ASTN2: variants seen among roughly 807,000 people sequenced by gnomAD.
The protein encoded by ASTN2 is astrotactin 2.
ASTN2 carries 54 observed loss-of-function variants against 139.8 expected under a neutral mutation model. The ratio of observed to expected loss-of-function variants is 0.39; its 90% CI spans 0.31 to 0.48. The LOEUF (loss-of-function observed/expected upper bound fraction) is 0.48. Ranked by LOEUF, ASTN2 falls within the 20% of genes least tolerant of loss-of-function variation. ASTN2 has a pLI of 0.95. For synonymous variants in ASTN2, 756 were observed against 719.5 expected (o/e 1.05, Z -0.81); for missense variants, 1,565 against 1,725.1 (o/e 0.91, Z 1.64).
intron 22 of ASTN2, among the ~76,000 whole-genome samples, chr9:116,426,797 T>A (rs1224758599): frequency 6.6e-6 from 1 of 152,150 alleles, no homozygotes; most frequent in Non-Finnish European, 1.5e-5. Context: ...TGTGTCTCAT[T>A]TTTTCCCACC....
chr9:116,740,426 G>C (rs1442886183), intron 13 of ASTN2, among the ~76,000 whole-genome samples: 1 of 152,198 alleles, frequency 6.6e-6, no homozygotes. Context: ...CAAATTTTAT[G>C]ATCCTTAGTG....
intron 4 of ASTN2, among the ~76,000 whole-genome samples, chr9:117,115,061 C>T (rs1169222423): frequency 2.6e-5 from 4 of 152,162 alleles, no homozygotes; most frequent in African/African-American, 7.2e-5. Flanking sequence ...TTTACGAATT[C>T]CTGACCCACA....
chr9:117,146,726 C>T (rs1002364215), intron 3 of ASTN2, among the ~76,000 whole-genome samples: 1 of 151,886 alleles, frequency 6.6e-6, no homozygotes, highest in Non-Finnish European at 1.5e-5. Flanking sequence ...ATGAGTGCAC[C>T]AAAATCCCAC....
intron 5 of ASTN2, among the ~76,000 whole-genome samples, chr9:117,074,948 G>A (rs1463914161): frequency 3.3e-5 from 5 of 152,118 alleles, no homozygotes; most frequent in East Asian, 1.9e-4. Flanking sequence ...GATCTACACC[G>A]AGGTCTGTAA....
chr9:117,410,617 T>C (rs1016957255), intron 1 of ASTN2, among the ~76,000 whole-genome samples: 4 of 152,228 alleles, frequency 2.6e-5, no homozygotes, highest in African/African-American at 9.6e-5. Context: ...TTCCAGATCC[T>C]AACCAGCGTT....
intron 1 of ASTN2, among the ~76,000 whole-genome samples, chr9:117,335,575 G>A (rs778435281): frequency 6.6e-6 from 1 of 152,144 alleles, no homozygotes; most frequent in Non-Finnish European, 1.5e-5. Context: ...TCCATAGTAA[G>A]TTAGATCTAC....
At chr9:116,911,129 T>C (rs10817958) in intron 10 of ASTN2, among the ~76,000 whole-genome samples, 30,415 of 152,184 alleles carry the variant, frequency 0.2, 3,566 homozygotes, top group Non-Finnish European at 0.25. Flanking sequence ...AATTATTCCA[T>C]AGCATCTTCA....
At chr9:117,225,574 T>TATAC (rs371374987) in intron 2 of ASTN2, among the ~76,000 whole-genome samples, 1,561 of 77,804 alleles carry the variant, frequency 0.02, 142 homozygotes, top group Non-Finnish European at 0.025. Context: ...TATATATATA[T>TATAC]ACAGATGAAC....
intron 10 of ASTN2, among the ~76,000 whole-genome samples, chr9:116,893,631 G>A (rs2132392625): frequency 6.6e-6 from 1 of 152,036 alleles, no homozygotes; most frequent in East Asian, 1.9e-4. Context: ...GTGCCTGCAT[G>A]GAGTGAGCAC....
intron 13 of ASTN2, among the ~76,000 whole-genome samples, chr9:116,802,947 A>C (rs911736306): frequency 6.6e-6 from 1 of 152,148 alleles, no homozygotes; most frequent in African/African-American, 2.4e-5. Context: ...CTCAGTTCAC[A>C]AACTTTGTCC....
chr9:117,346,172 C>T (rs1161834679), intron 1 of ASTN2, among the ~76,000 whole-genome samples: 1 of 152,110 alleles, frequency 6.6e-6, no homozygotes, highest in East Asian at 1.9e-4. Context: ...TGTACTGACT[C>T]TTTGTCCAGA....
chr9:117,378,232 A>T (rs1830175861), intron 1 of ASTN2, among the ~76,000 whole-genome samples: 1 of 152,216 alleles, frequency 6.6e-6, no homozygotes. Flanking sequence ...CCTGTCTAAC[A>T]TCACAGAGTG....
At chr9:116,688,332 G>T (rs1207072720) in intron 16 of ASTN2, among the ~76,000 whole-genome samples, 3 of 152,012 alleles carry the variant, frequency 2.0e-5, no homozygotes, top group Non-Finnish European at 4.4e-5. Context: ...AAAATCAAAG[G>T]ACCCTGAGTA....
intron 19 of ASTN2, among the ~76,000 whole-genome samples, chr9:116,509,532 G>T (rs1000052718): frequency 2.6e-5 from 4 of 152,194 alleles, no homozygotes; most frequent in African/African-American, 9.7e-5. Flanking sequence ...CCAGTAATGG[G>T]ATGGCTGGGT....
chr9:116,677,978 A>G (rs1859610808), intron 16 of ASTN2, among the ~76,000 whole-genome samples: 1 of 152,226 alleles, frequency 6.6e-6, no homozygotes, highest in African/African-American at 2.4e-5. Context: ...TATATCTAAA[A>G]GAGCTCTGAT....
At chr9:117,203,967 C>A (rs939604693) in intron 3 of ASTN2, among the ~76,000 whole-genome samples, 1 of 152,214 alleles carries the variant, frequency 6.6e-6, no homozygotes, top group Non-Finnish European at 1.5e-5. Context: ...GAGGCTAAGT[C>A]TGCTGGTCCA....
chr9:116,924,895 A>G (rs1834713081), intron 10 of ASTN2, among the ~76,000 whole-genome samples: 1 of 152,126 alleles, frequency 6.6e-6, no homozygotes, highest in Non-Finnish European at 1.5e-5. Flanking sequence ...GCAGCCCAAT[A>G]GGTCTCAGCC....
intron 16 of ASTN2, among the ~76,000 whole-genome samples, chr9:116,723,100 G>T (rs1465864564): frequency 6.6e-6 from 1 of 152,018 alleles, no homozygotes; most frequent in African/African-American, 2.4e-5. Context: ...GGAAAGCAGA[G>T]CTTTCAGTGA....
intron 3 of ASTN2, chr9:117,180,818 T>G: frequency 1.3e-6 from 2 of 1,542,088 alleles, no homozygotes; most frequent in Admixed American, 3.3e-5. Flanking sequence ...TCATCAACAT[T>G]GAACTTGGTG....
Sources: allele counts gnomAD v4.1 joint callset (sites outside exome capture counted in the v4.1 genomes callset), GRCh38; gene constraint gnomAD v4.1.1; transcripts MANE v1.5; gene names NCBI Gene and HGNC (gene_info 2026-07-23, HGNC 2026-07-21).